The following DENND1A variants were observed in gnomAD, a reference collection of about 807,000 sequenced individuals.
DENND1A encodes DENN domain-containing protein 1A.
Under a neutral mutation model 113.7 loss-of-function variants are expected in DENND1A, and 51 were observed. The ratio of observed to expected loss-of-function variants is 0.45; its 90% confidence interval spans 0.36 to 0.57. The LOEUF (loss-of-function observed/expected upper bound fraction) is 0.57. Among genes scored for constraint, DENND1A ranks in the 20% least tolerant of loss-of-function variants. The probability of loss-of-function intolerance (pLI) is 0.00; values close to 1 mark genes in which losing one functional copy is unlikely to be tolerated. For synonymous variants in DENND1A, 565 were observed against 570.8 expected, an observed-to-expected ratio of 0.99 and a Z score of 0.14; for missense variants, 1,258 against 1,395.9, an observed-to-expected ratio of 0.90 and a Z score of 1.57.
intron 2 of DENND1A, among the ~76,000 whole-genome samples, chr9:123,873,877 G>A (rs543171238): frequency 1.3e-5 from 2 of 152,020 alleles, no homozygotes; most frequent in Non-Finnish European, 2.9e-5. Context: ...CGAGCAGCTG[G>A]GACTACAGGC....
chr9:123,390,494 A>G (rs2042783349), intron 21 of DENND1A, among the ~76,000 whole-genome samples: 1 of 152,250 alleles, frequency 6.6e-6, no homozygotes, highest in Admixed American at 6.5e-5. Context: ...ACCGTGCTTT[A>G]TAGAGGCCAC....
intron 1 of DENND1A, among the ~76,000 whole-genome samples, chr9:123,912,090 G>A (rs772789552): frequency 1.3e-5 from 2 of 152,078 alleles, no homozygotes; most frequent in East Asian, 3.8e-4. Flanking sequence ...GTGATTACAC[G>A]AGTATATAAC....
At chr9:123,611,275 A>G (rs1417159139) in intron 10 of DENND1A, among the ~76,000 whole-genome samples, 1 of 151,996 alleles carries the variant, frequency 6.6e-6, no homozygotes, top group African/African-American at 2.4e-5. Flanking sequence ...TTTTCCCCTT[A>G]AACTGTAAAC....
rs377526181 is a variant in DENND1A at position 123,383,771 on chromosome 9, C to T, written c.1903G>A (p.Val635Ile). The change falls in exon 23 of 24, where the codon GTC becomes ATC. Residue 635 changes from valine (V) to isoleucine (I), a missense_variant. Val to Ile is a conservative substitution (Grantham distance 29). Around this residue, in one of 2 missense-constraint regions of DENND1A, gnomAD observed 1,159 missense variants for 1,231.7 expected, o/e 0.94. Transcript: ENST00000394215. ...RAASIDLLED[V>I]FSNLDMEAAL... ...GCCTCCATGTCCAGGTTGCTGAAGA[C>T]GTCTTCCAGAAGGTCGATGCTGGCA... The T allele has an allele frequency of 8.7e-6, 14 of 1,614,022 alleles. No homozygotes were observed. The highest frequency in any genetic ancestry group is 6.6e-5 in the South Asian group (6 of 91,096).
chr9:123,554,674 G>A (rs1351151087), intron 13 of DENND1A, among the ~76,000 whole-genome samples: 2 of 152,172 alleles, frequency 1.3e-5, no homozygotes, highest in Non-Finnish European at 2.9e-5. Flanking sequence ...AAGGCTGACA[G>A]GTCTGCCATA....
At chr9:123,827,282 T>A (rs936713749) in intron 2 of DENND1A, among the ~76,000 whole-genome samples, 4 of 151,904 alleles carry the variant, frequency 2.6e-5, no homozygotes, top group African/African-American at 9.7e-5. Flanking sequence ...GGGTACTTGT[T>A]AGCCTAAAGT....
chr9:123,928,463 T>C (rs1466078780), intron 1 of DENND1A: 8 of 757,082 alleles, frequency 1.1e-5, no homozygotes, highest in Non-Finnish European at 1.3e-5. Context: ...AATCCCAATG[T>C]TTCACAAACG....
intron 13 of DENND1A, among the ~76,000 whole-genome samples, chr9:123,471,867 G>A (rs982172673): frequency 5.3e-5 from 8 of 152,156 alleles, no homozygotes; most frequent in African/African-American, 9.7e-5. Flanking sequence ...TATGTCAGAC[G>A]ATTTTCTACA....
intron 16 of DENND1A, 80 bp from the exon 17 acceptor site, chr9:123,452,427 G>C (rs991333446): frequency 8.8e-7 from 1 of 1,136,638 alleles, no homozygotes; most frequent in Non-Finnish European, 1.3e-6. Context: ...CTCTTCAATC[G>C]AGTTAAGCAA....
chr9:123,383,466 C>T (rs1182342469), intron 23 of DENND1A, among the ~76,000 whole-genome samples, 189 bp downstream of exon 23: 2 of 152,208 alleles, frequency 1.3e-5, no homozygotes, highest in African/African-American at 4.8e-5. Flanking sequence ...CTCCTACCGT[C>T]ACTGTTAGGG....
At chr9:123,761,816 A>T (rs1425130914) in intron 4 of DENND1A, among the ~76,000 whole-genome samples, 1 of 152,102 alleles carries the variant, frequency 6.6e-6, no homozygotes, top group African/African-American at 2.4e-5. Context: ...TCTCTCTCCT[A>T]CTTGCTGGGG....
intron 8 of DENND1A, among the ~76,000 whole-genome samples, chr9:123,657,914 G>A (rs1450523288): frequency 6.6e-6 from 1 of 151,808 alleles, no homozygotes; most frequent in Non-Finnish European, 1.5e-5. Flanking sequence ...AAGGAAAGCA[G>A]AGTTTACTCA....
chr9:123,456,158 A>G (rs1489282157), intron 15 of DENND1A, among the ~76,000 whole-genome samples: 1 of 152,150 alleles, frequency 6.6e-6, no homozygotes, highest in Non-Finnish European at 1.5e-5. Flanking sequence ...AGGGCCTGCA[A>G]TGTTTATAGG....
At chr9:123,412,236 C>A (rs755780139) in intron 19 of DENND1A, among the ~76,000 whole-genome samples, 3 of 152,218 alleles carry the variant, frequency 2.0e-5, no homozygotes, top group Non-Finnish European at 2.9e-5. Flanking sequence ...GTGCCCCACA[C>A]AGACCTTTCT....
At chr9:123,666,827 A>G (rs149559159) in intron 8 of DENND1A, among the ~76,000 whole-genome samples, 199 bp downstream of exon 8, 5 of 152,304 alleles carry the variant, frequency 3.3e-5, no homozygotes, top group Non-Finnish European at 5.9e-5. Flanking sequence ...TATACTTTCT[A>G]TACTTTGCAA....
intron 13 of DENND1A, among the ~76,000 whole-genome samples, chr9:123,554,695 T>G (rs1025688557): frequency 4.6e-5 from 7 of 152,220 alleles, no homozygotes; most frequent in Admixed American, 4.6e-4. Context: ...TTTCATTGAT[T>G]CTAAGATGAA....
intron 20 of DENND1A, among the ~76,000 whole-genome samples, chr9:123,408,836 A>C (rs1224972576): frequency 6.6e-6 from 1 of 152,230 alleles, no homozygotes; most frequent in Non-Finnish European, 1.5e-5. Context: ...CACAGAGTCC[A>C]CTGTAGCTGT....
Position 123,440,391 on chromosome 9 carries a change from T to A in DENND1A, c.1457A>T (p.Asp486Val). ...VEAKDPKLRE[D>V]RRPITVHFGQ... is the part of the protein sequence containing the mutation. ...AAAGTGGACTGTGATTGGCCGCCGG[T>A]CTTCTCGGAGCTTGGGGTCCTTGGC... is the stretch of plus-strand genomic sequence containing the variant. The change falls in exon 19 of 24, where the codon GAC (aspartate) becomes GTC (valine). Residue 486 changes from aspartate (D) to valine (V), a missense_variant. Asp to Val is a radical substitution (Grantham distance 152). This residue lies in a region of DENND1A where 1,159 missense variants were observed against 1,231.7 expected (regional missense o/e 0.94). Coordinates refer to ENST00000394215, the MANE Select transcript of DENND1A (RefSeq NM_001352964.2). 1 of 1,601,368 alleles carries A rather than the reference T, an allele frequency of 6.2e-7. No homozygotes were observed. The highest frequency in any genetic ancestry group is 8.5e-7 in the Non-Finnish European group (1 of 1,175,054).
intron 13 of DENND1A, among the ~76,000 whole-genome samples, chr9:123,483,002 T>C (rs2050475576): frequency 6.6e-6 from 1 of 152,120 alleles, no homozygotes; most frequent in African/African-American, 2.4e-5. Flanking sequence ...ATATTTGCAC[T>C]TCAAGAGGAT....
Sources: allele counts gnomAD v4.1 joint callset (sites outside exome capture counted in the v4.1 genomes callset), GRCh38; gene constraint gnomAD v4.1.1; regional missense constraint gnomAD v4.1.1; transcripts MANE v1.5; gene names NCBI Gene and HGNC (gene_info 2026-07-23, HGNC 2026-07-21).